YWHAE: variants seen among roughly 807,000 people sequenced by gnomAD.
YWHAE encodes the protein 14-3-3 protein epsilon.
Under a neutral mutation model 30.1 loss-of-function variants are expected in YWHAE, and 4 were observed. The observed-to-expected ratio is 0.13, with a 90% CI of 0.07 to 0.30. The LOEUF (loss-of-function observed/expected upper bound fraction) is 0.30. Among genes scored for constraint, YWHAE ranks in the 10% least tolerant of loss-of-function variants. YWHAE has a pLI of 1.00. For synonymous variants in YWHAE, 118 were observed against 111.8 expected (o/e 1.06, Z -0.35); for missense variants, 121 against 315.9 (o/e 0.38, Z 4.68).
chr17:1,352,511 G>A (rs1417327958), intron 5 of YWHAE, among the ~76,000 whole-genome samples: 1 of 151,398 alleles, frequency 6.6e-6, no homozygotes, highest in African/African-American at 2.4e-5. Flanking sequence ...TTATGTTTCA[G>A]CCTAAGAAAC....
At chr17:1,369,230 C>T (rs2072992795) in intron 1 of YWHAE, among the ~76,000 whole-genome samples, 1 of 152,136 alleles carries the variant, frequency 6.6e-6, no homozygotes, top group African/African-American at 2.4e-5. Flanking sequence ...CGGCCGGGAG[C>T]AGGGGCTCAC....
At chr17:1,373,417 G>A (rs1342630480) in intron 1 of YWHAE, among the ~76,000 whole-genome samples, 1 of 152,088 alleles carries the variant, frequency 6.6e-6, no homozygotes, top group Non-Finnish European at 1.5e-5. Context: ...TGTAATCCCA[G>A]CGCTTTGGGA....
intron 4 of YWHAE, among the ~76,000 whole-genome samples, chr17:1,356,928 C>T (rs951480980): frequency 2.0e-5 from 3 of 151,376 alleles, no homozygotes; most frequent in African/African-American, 7.3e-5. Context: ...AAAAACCCTA[C>T]TTTGCTTAAG....
intron 1 of YWHAE, among the ~76,000 whole-genome samples, chr17:1,371,386 C>T (rs890026725): frequency 1.3e-5 from 2 of 151,960 alleles, no homozygotes; most frequent in Non-Finnish European, 2.9e-5. Context: ...CACCCAACCT[C>T]GGTGCATTTT....
chr17:1,374,684 T>C (rs1277767495), intron 1 of YWHAE, among the ~76,000 whole-genome samples: 16 of 152,222 alleles, frequency 1.1e-4, no homozygotes, highest in Admixed American at 9.2e-4. Context: ...TAACTAATAG[T>C]GTTGAACACC....
chr17:1,356,665 T>A (rs1284232782), intron 4 of YWHAE, among the ~76,000 whole-genome samples: 3 of 152,064 alleles, frequency 2.0e-5, no homozygotes, highest in Admixed American at 6.6e-5. Context: ...CCATTTAGAA[T>A]GTTTTTACAT....
intron 1 of YWHAE, among the ~76,000 whole-genome samples, chr17:1,384,445 A>G (rs2073268046): frequency 1.3e-5 from 2 of 151,552 alleles, no homozygotes; most frequent in Admixed American, 6.6e-5. Context: ...TAATCCCAGC[A>G]CTTTGGGAGG....
intron 1 of YWHAE, among the ~76,000 whole-genome samples, chr17:1,392,097 T>G (rs941847415): frequency 1.3e-5 from 2 of 152,090 alleles, no homozygotes. Flanking sequence ...CTACTTGGCA[T>G]GCTGAGGTGC....
chr17:1,367,904 C>T (rs16945532), intron 1 of YWHAE, among the ~76,000 whole-genome samples: 4 of 151,912 alleles, frequency 2.6e-5, no homozygotes, highest in African/African-American at 4.8e-5. Context: ...AAAAGTGGCA[C>T]GTTTAACTGT....
intron 1 of YWHAE, among the ~76,000 whole-genome samples, chr17:1,388,776 A>G (rs2073345919): frequency 6.6e-6 from 1 of 152,208 alleles, no homozygotes; most frequent in Non-Finnish European, 1.5e-5. Context: ...TATATTCTGC[A>G]TTAAGTATTT....
At chr17:1,370,032 A>G (rs924146456) in intron 1 of YWHAE, among the ~76,000 whole-genome samples, 1 of 151,500 alleles carries the variant, frequency 6.6e-6, no homozygotes, top group African/African-American at 2.4e-5. Flanking sequence ...AAGACAATGA[A>G]GTCTGCCATG....
Position 1,389,623 on chromosome 17 carries a change from C to T in YWHAE, c.64+10424G>A, listed in dbSNP as rs528977355. On this transcript the variant is annotated intron_variant, in intron 1 of 5. Coordinates refer to ENST00000264335, the MANE Select transcript of YWHAE (RefSeq NM_006761.5). ...CTGGCTCACTGCAAGCTCCGCCTCCCGGGTTCATGCCATTCTCCTGCCTCA... is the reference window on the plus strand; with the variant it reads ...CTGGCTCACTGCAAGCTCCGCCTCCTGGGTTCATGCCATTCTCCTGCCTCA... Among the ~76,000 whole-genome samples the T allele has an allele frequency of 1.2e-3, 177 of 151,536 alleles. 1 individual carries two copies. Among genetic ancestry groups the T allele is most frequent in the African/African-American group, 4.0e-3 (167 of 41,258 alleles).
chr17:1,394,450 A>AAAAAAAAAAAAAAAACAAAAC (rs1567987847), intron 1 of YWHAE, among the ~76,000 whole-genome samples: 2 of 149,550 alleles, frequency 1.3e-5, no homozygotes, highest in African/African-American at 5.0e-5. Flanking sequence ...AAAAAAAAAA[A>AAAAAAAAAAAAAAAACAAAAC]AAAAAAAAAA....
At chr17:1,371,661 G>T (rs1399786414) in intron 1 of YWHAE, among the ~76,000 whole-genome samples, 2 of 152,068 alleles carry the variant, frequency 1.3e-5, no homozygotes, top group Non-Finnish European at 2.9e-5. Flanking sequence ...CTGTCCTATG[G>T]AGCTAGACAC....
At chr17:1,356,948 TCAAA>T (rs1433202125) in intron 4 of YWHAE, among the ~76,000 whole-genome samples, 1 of 148,194 alleles carries the variant, frequency 6.7e-6, no homozygotes, top group South Asian at 2.1e-4. Flanking sequence ...GCAGTTGTCC[TCAAA>T]CAAACCAAAA....
At chr17:1,375,782 G>A (rs549979822) in intron 1 of YWHAE, among the ~76,000 whole-genome samples, 1 of 152,216 alleles carries the variant, frequency 6.6e-6, no homozygotes, top group African/African-American at 2.4e-5. Flanking sequence ...GCTGCTGCCA[G>A]TAGAGTCACA....
At chr17:1,377,416 G>A (rs1212668924) in intron 1 of YWHAE, among the ~76,000 whole-genome samples, 1 of 152,120 alleles carries the variant, frequency 6.6e-6, no homozygotes, top group Non-Finnish European at 1.5e-5. Context: ...CACACCAAGG[G>A]AAGAAAAGGG....
chr17:1,378,090 T>C (rs996669541), intron 1 of YWHAE, among the ~76,000 whole-genome samples: 1 of 152,198 alleles, frequency 6.6e-6, no homozygotes, highest in East Asian at 1.9e-4. Flanking sequence ...TTGGAGGGGA[T>C]AGTATGCAAG....
chr17:1,349,058 C>A (rs1294844070), intron 5 of YWHAE, among the ~76,000 whole-genome samples: 1 of 145,800 alleles, frequency 6.9e-6, no homozygotes, highest in Non-Finnish European at 1.5e-5. Flanking sequence ...AGATGTAATA[C>A]TAGGCCAGGT....
Sources: gnomAD v4.1 joint callset for allele counts (sites outside exome capture counted in the v4.1 genomes callset) on GRCh38, gnomAD v4.1.1 for gene constraint, MANE v1.5 for transcripts, NCBI Gene and HGNC (gene_info 2026-07-23, HGNC 2026-07-21) for gene names.